GALNT3: variants seen among roughly 807,000 people sequenced by gnomAD.
The protein encoded by GALNT3 is GalNAc transferase 3.
A neutral mutation model predicts 69.8 loss-of-function variants in GALNT3; 51 were observed. That is an observed-to-expected ratio of 0.73 (90% CI 0.58 to 0.92). The LOEUF (loss-of-function observed/expected upper bound fraction) is 0.92, where lower values mean the gene tolerates loss of function less well. Ranked by LOEUF, GALNT3 falls within the 40% of genes least tolerant of loss-of-function variation. The pLI is 0.00. For missense variants in GALNT3, 711 were observed against 760.0 expected, an observed-to-expected ratio of 0.94 and a Z score of 0.76; for synonymous variants, 265 against 248.5, an observed-to-expected ratio of 1.07 and a Z score of -0.63.
chr2:165,766,935 A>C (rs545547065), intron 2 of GALNT3, among the ~76,000 whole-genome samples: 1 of 152,184 alleles, frequency 6.6e-6, no homozygotes, highest in Non-Finnish European at 1.5e-5. Flanking sequence ...GATTAGAAAA[A>C]GGAGAGGATG....
At chr2:165,761,563 AAAAC>A (rs35898002) in intron 4 of GALNT3, among the ~76,000 whole-genome samples, 60,193 of 148,122 alleles carry the variant, frequency 0.41, 12,999 homozygotes, top group Non-Finnish European at 0.5. Flanking sequence ...GGGAATCAAG[AAAAC>A]AAACAAACAA....
chr2:165,755,098 T>C (rs1688423809), intron 7 of GALNT3, 35 bp from the exon 8 acceptor site: 2 of 1,576,440 alleles, frequency 1.3e-6, no homozygotes, highest in Non-Finnish European at 1.7e-6. Flanking sequence ...GAATGCTTAA[T>C]TAAAACAACA....
chr2:165,749,557 T>G (rs1688319121), intron 10 of GALNT3, among the ~76,000 whole-genome samples, 185 bp downstream of exon 10: 1 of 152,156 alleles, frequency 6.6e-6, no homozygotes, highest in South Asian at 2.1e-4. Context: ...TTTTTGTTAC[T>G]AAGAGTACTT....
intron 1 of GALNT3, among the ~76,000 whole-genome samples, chr2:165,781,885 A>G (rs113938008): frequency 2.0e-3 from 302 of 152,292 alleles, no homozygotes; most frequent in African/African-American, 6.9e-3. Flanking sequence ...AGATAAAAAC[A>G]AATTGTTTTT....
chr2:165,759,598 C>A, intron 4 of GALNT3, 28 bp from the exon 5 acceptor site: 2 of 1,539,186 alleles, frequency 1.3e-6, no homozygotes, highest in Non-Finnish European at 1.8e-6. Flanking sequence ...TTAATTAATT[C>A]AATAAAAACA....
intron 3 of GALNT3, 111 bp from the exon 4 acceptor site, chr2:165,762,165 C>T: frequency 1.2e-6 from 1 of 824,916 alleles, no homozygotes; most frequent in Non-Finnish European, 1.9e-6. Flanking sequence ...ATAATCTTAA[C>T]AGTTGCATGT....
intron 1 of GALNT3, among the ~76,000 whole-genome samples, chr2:165,791,271 GTGTGTGTGTA>G (rs1683342333): frequency 6.6e-6 from 1 of 151,890 alleles, no homozygotes; most frequent in Admixed American, 6.6e-5. Flanking sequence ...GTGTGTGTGT[GTGTGTGTGTA>G]TACGCATGTA....
intron 1 of GALNT3, among the ~76,000 whole-genome samples, chr2:165,785,793 C>T (rs1486849147): frequency 1.3e-5 from 2 of 152,100 alleles, no homozygotes; most frequent in Non-Finnish European, 2.9e-5. Context: ...ACAGTCCGAA[C>T]AGGGGCAAGA....
intron 9 of GALNT3, among the ~76,000 whole-genome samples, chr2:165,753,784 G>T (rs943080447): frequency 1.3e-5 from 2 of 152,182 alleles, no homozygotes; most frequent in African/African-American, 4.8e-5. Context: ...ATAGTCAAAA[G>T]GTAGTAAAGC....
Position 165,764,995 on chromosome 2 carries a change from A to C in GALNT3, c.577T>G (p.Phe193Val), listed in dbSNP as rs1186916886. 1 of 1,614,196 alleles carries C rather than the reference A, an allele frequency of 6.2e-7. No individual in the cohort carries two copies. The highest frequency in any genetic ancestry group is 8.5e-7 in the Non-Finnish European group (1 of 1,180,016). Residue 193 changes from phenylalanine to valine, a missense_variant, in exon 3 of 11, where the codon TTT becomes GTT. Coordinates refer to ENST00000392701, the MANE Select transcript of GALNT3 (RefSeq NM_004482.4). ...PLPTTSVIIV[F>V]HNEAWSTLLR... Reference sequence around the variant, plus strand: ...AACGTGGACCACGCTTCATTATGAAAAACTATTATGACACTGGTGGTGGGC... The same window carrying C: ...AACGTGGACCACGCTTCATTATGAACAACTATTATGACACTGGTGGTGGGC...
At chr2:165,759,193 A>G (rs890035492) in intron 5 of GALNT3, 143 bp downstream of exon 5, 2 of 736,060 alleles carry the variant, frequency 2.7e-6, no homozygotes, top group Admixed American at 4.6e-5. Flanking sequence ...ACACAAATGA[A>G]TGACTTTTAG....
chr2:165,754,606 G>A, intron 9 of GALNT3, 21 bp downstream of exon 9: 2 of 1,540,028 alleles, frequency 1.3e-6, no homozygotes, highest in Non-Finnish European at 1.8e-6. Flanking sequence ...ACAAGTGAAG[G>A]ATTTTTAATG....
intron 1 of GALNT3, chr2:165,771,293 T>A (rs1232016908): frequency 6.6e-6 from 1 of 152,200 alleles, no homozygotes; most frequent in Non-Finnish European, 1.5e-5. Flanking sequence ...TCCAGCTTAA[T>A]GAATGATAAT....
chr2:165,763,833 A>T lies in GALNT3; in HGVS notation c.688+1051T>A, dbSNP rs1314191539. Among the ~76,000 whole-genome samples, 9 of 152,264 alleles carry T rather than the reference A, an allele frequency of 5.9e-5. No individual in the cohort carries two copies. In the South Asian group the frequency reaches 1.9e-3, roughly 32 times the overall value. Reference sequence around the variant, plus strand: ...AGAACAGAAAGCTACATGAAATCAGATGCCCTGATTTCACTTTATGGCACA... The same window carrying T: ...AGAACAGAAAGCTACATGAAATCAGTTGCCCTGATTTCACTTTATGGCACA... On this transcript the variant is annotated intron_variant, in intron 3 of 10. Coordinates refer to ENST00000392701, the MANE Select transcript of GALNT3 (RefSeq NM_004482.4).
intron 1 of GALNT3, among the ~76,000 whole-genome samples, chr2:165,782,008 T>C (rs1683121238): frequency 6.6e-6 from 1 of 152,152 alleles, no homozygotes; most frequent in South Asian, 2.1e-4. Flanking sequence ...AGCAACTACA[T>C]TTGGAGTCAC....
At chr2:165,766,135 T>C (rs1688639030) in intron 2 of GALNT3, among the ~76,000 whole-genome samples, 1 of 152,140 alleles carries the variant, frequency 6.6e-6, no homozygotes, top group Admixed American at 6.6e-5. Context: ...AGTACTGCCA[T>C]TTGCCATGTG....
At chr2:165,763,134 T>C (rs1688582146) in intron 3 of GALNT3, among the ~76,000 whole-genome samples, 2 of 152,118 alleles carry the variant, frequency 1.3e-5, no homozygotes, top group South Asian at 4.1e-4. Flanking sequence ...AAGCCTGTTT[T>C]TCTCAATTAA....
rs6705649 is a variant in GALNT3 at position 165,755,264 on chromosome 2, C to G, written c.1393-201G>C. On this transcript the variant is annotated intron_variant, in intron 7 of 10. Coordinates refer to ENST00000392701, the MANE Select transcript of GALNT3 (RefSeq NM_004482.4). ...ATTTCTGGCTTTAAAAGAGAGTCAA[C>G]ACCACTTCAGTGCTGATTAAAATAC... Among the ~76,000 whole-genome samples the G allele has an allele frequency of 0.98, 149,321 of 152,322 alleles. 73,262 individuals are homozygous for G. Among genetic ancestry groups the G allele is most frequent in the Middle Eastern group, 1 (294 of 294 alleles).
At chr2:165,762,088 TA>T in intron 3 of GALNT3, 34 bp from the exon 4 acceptor site, 1 of 1,426,602 alleles carries the variant, frequency 7.0e-7, no homozygotes. Flanking sequence ...TAATTCTTTC[TA>T]AATGCATTTT....
Sources: gnomAD v4.1 joint callset for allele counts (sites outside exome capture counted in the v4.1 genomes callset) on GRCh38, gnomAD v4.1.1 for gene constraint, MANE v1.5 for transcripts, NCBI Gene and HGNC (gene_info 2026-07-23, HGNC 2026-07-21) for gene names.